ZNRF3: variants seen among roughly 807,000 people sequenced by gnomAD.
ZNRF3 encodes the protein E3 ubiquitin-protein ligase ZNRF3.
A neutral mutation model predicts 72.5 loss-of-function variants in ZNRF3; 23 were observed. That is an observed-to-expected ratio of 0.32 (90% CI 0.23 to 0.45). The LOEUF is 0.45. Among genes scored for constraint, ZNRF3 ranks in the 20% least tolerant of loss-of-function variants. ZNRF3 has a pLI of 1.00. For synonymous variants in ZNRF3, 610 were observed against 545.3 expected (o/e 1.12, Z -1.65); for missense variants, 1,169 against 1,272.1 (o/e 0.92, Z 1.23).
chr22:28,979,640 G>T (rs76938190), intron 1 of ZNRF3, among the ~76,000 whole-genome samples: 29 of 152,300 alleles, frequency 1.9e-4, no homozygotes, highest in African/African-American at 7.0e-4. Context: ...TATTTGCCCT[G>T]GTCCCTCACT....
At chr22:28,972,400 C>A (rs1341401776) in intron 1 of ZNRF3, among the ~76,000 whole-genome samples, 1 of 152,222 alleles carries the variant, frequency 6.6e-6, no homozygotes, top group East Asian at 1.9e-4. Context: ...TTTTACTCAG[C>A]ATATTCTCAA....
intron 1 of ZNRF3, among the ~76,000 whole-genome samples, chr22:28,911,533 A>T (rs1201342324): frequency 6.6e-6 from 1 of 152,210 alleles, no homozygotes; most frequent in African/African-American, 2.4e-5. Context: ...CCTTGAATTC[A>T]CTTTATTAAA....
intron 1 of ZNRF3, among the ~76,000 whole-genome samples, chr22:28,981,571 G>T (rs1419774876): frequency 6.6e-6 from 1 of 152,038 alleles, no homozygotes; most frequent in East Asian, 1.9e-4. Flanking sequence ...TGAAAGTAAT[G>T]GTTTATATTT....
chr22:28,922,188 T>G (rs2034523718), intron 1 of ZNRF3, among the ~76,000 whole-genome samples: 3 of 152,230 alleles, frequency 2.0e-5, no homozygotes, highest in Admixed American at 1.3e-4. Context: ...TTTGGAAGCC[T>G]TTTGGATTTT....
At chr22:29,005,384 G>A (rs1252498549) in intron 2 of ZNRF3, among the ~76,000 whole-genome samples, 1 of 152,254 alleles carries the variant, frequency 6.6e-6, no homozygotes, top group Non-Finnish European at 1.5e-5. Context: ...AGAGCTTATA[G>A]ATTGGTGAGA....
chr22:29,027,856 C>T (rs1457069337), intron 2 of ZNRF3, among the ~76,000 whole-genome samples: 3 of 152,174 alleles, frequency 2.0e-5, no homozygotes, highest in African/African-American at 7.2e-5. Flanking sequence ...TTTCTTCCTG[C>T]TCTTCCACTA....
Position 29,053,772 on chromosome 22 carries a change from G to A in ZNRF3, c.*150G>A. On this transcript the variant is annotated 3_prime_UTR_variant, in exon 9 of 9. Coordinates refer to ENST00000544604, the MANE Select transcript of ZNRF3 (RefSeq NM_001206998.2). ...AGCCCTCCTTGTCAACCCAAAATGT[G>A]AGCCCCCTGTGGCAAAACCACCCCC... is the stretch of plus-strand genomic sequence containing the variant. 2 of 716,208 alleles carry A rather than the reference G, an allele frequency of 2.8e-6. No homozygotes were observed. The highest frequency in any genetic ancestry group is 4.5e-6 in the Non-Finnish European group (2 of 449,122). The allele number at this position is 716,208 out of a possible 1,614,324, so 44.4% of individuals were successfully genotyped here.
Position 29,036,510 on chromosome 22 carries a change from C to A in ZNRF3, c.427-5985C>A, listed in dbSNP as rs139265491. Among the ~76,000 whole-genome samples the A allele has an allele frequency of 1.2e-4, 18 of 152,312 alleles. No homozygotes were observed. In the East Asian group the frequency reaches 3.1e-3, roughly 26 times the overall value. Reference sequence around the variant, plus strand: ...ACTTCTTTCTCCCTTCCACCCAGCTCATCAACAGACCGCCTAACCCAGAAA... The same window carrying A: ...ACTTCTTTCTCCCTTCCACCCAGCTAATCAACAGACCGCCTAACCCAGAAA... On this transcript the variant is annotated intron_variant, in intron 2 of 8. Coordinates refer to ENST00000544604, the MANE Select transcript of ZNRF3 (RefSeq NM_001206998.2).
intron 1 of ZNRF3, among the ~76,000 whole-genome samples, chr22:28,890,465 A>C (rs991685641): frequency 1.3e-5 from 2 of 152,198 alleles, no homozygotes; most frequent in Non-Finnish European, 2.9e-5. Flanking sequence ...ACGCCACTGC[A>C]CTCCAGCCTG....
chr22:29,050,430 C>G lies in ZNRF3; in HGVS notation c.2249C>G (p.Pro750Arg). The G allele has an allele frequency of 1.2e-6, 2 of 1,608,826 alleles. No individual in the cohort carries two copies. The highest frequency in any genetic ancestry group is 1.7e-6 in the Non-Finnish European group (2 of 1,177,512). Residue 750 changes from proline (P) to arginine (R), a missense_variant, in exon 8 of 9, where the codon CCC becomes CGC. Coordinates refer to ENST00000544604, the MANE Select transcript of ZNRF3 (RefSeq NM_001206998.2). ...YEGSGPAGGE[P>R]QSGSSQGLYG... ...GGCTCTGGCCCGGCGGGTGGGGAGC[C>G]CCAGTCAGGAAGCTCCCAGGGCTTG...
chr22:28,913,174 A>G (rs1368103494), intron 1 of ZNRF3, among the ~76,000 whole-genome samples: 1 of 152,218 alleles, frequency 6.6e-6, no homozygotes, highest in African/African-American at 2.4e-5. Context: ...GTCCTGCACA[A>G]TGTTCTGTGG....
At chr22:28,904,940 CT>C (rs563812107) in intron 1 of ZNRF3, among the ~76,000 whole-genome samples, 14,180 of 139,420 alleles carry the variant, frequency 0.1, 902 homozygotes, top group African/African-American at 0.19. Context: ...GTGAAAGTGT[CT>C]TTTTTTTTTT....
At chr22:29,040,746 C>A (rs1046660980) in intron 2 of ZNRF3, among the ~76,000 whole-genome samples, 1 of 152,208 alleles carries the variant, frequency 6.6e-6, no homozygotes, top group East Asian at 1.9e-4. Context: ...AGTGCCAGAA[C>A]TTCTTAAACT....
At chr22:28,941,561 G>A (rs957348622) in intron 1 of ZNRF3, among the ~76,000 whole-genome samples, 7 of 152,072 alleles carry the variant, frequency 4.6e-5, no homozygotes, top group Admixed American at 3.9e-4. Context: ...TTTTATTTTT[G>A]TTTCTAACCT....
At chr22:29,042,823 G>A (rs2036990787) in intron 3 of ZNRF3, among the ~76,000 whole-genome samples, 1 of 151,276 alleles carries the variant, frequency 6.6e-6, no homozygotes. Flanking sequence ...CACCCAGGCT[G>A]GAGTGCAGTG....
At chr22:29,025,980 T>C (rs922626074) in intron 2 of ZNRF3, 15 of 152,196 alleles carry the variant, frequency 9.9e-5, no homozygotes, top group African/African-American at 3.6e-4. Context: ...GCACCTTTAT[T>C]CTCCAGCTAG....
chr22:29,019,462 T>C (rs187695169), intron 2 of ZNRF3, among the ~76,000 whole-genome samples: 2 of 152,312 alleles, frequency 1.3e-5, no homozygotes, highest in African/African-American at 4.8e-5. Flanking sequence ...GTGATTATTT[T>C]AATTCTGTTC....
intron 2 of ZNRF3, among the ~76,000 whole-genome samples, chr22:28,999,515 C>A (rs539731376): frequency 5.3e-5 from 8 of 152,214 alleles, no homozygotes; most frequent in African/African-American, 1.9e-4. Context: ...TTTGAGAGGC[C>A]ATTTTGAAGG....
chr22:28,951,092 T>TTATA (rs1215246314), intron 1 of ZNRF3, among the ~76,000 whole-genome samples: 1 of 152,238 alleles, frequency 6.6e-6, no homozygotes, highest in East Asian at 1.9e-4. Flanking sequence ...TATTGTGGTA[T>TTATA]TATAGACTTT....
Sources: gnomAD v4.1 joint callset for allele counts (sites outside exome capture counted in the v4.1 genomes callset) on GRCh38, gnomAD v4.1.1 for gene constraint, MANE v1.5 for transcripts, NCBI Gene and HGNC (gene_info 2026-07-23, HGNC 2026-07-21) for gene names.